Variants in AUTS2 observed in about 807,000 individuals in gnomAD.
AUTS2 encodes autism susceptibility gene 2 protein.
AUTS2 carries 17 observed loss-of-function variants against 112.4 expected under a neutral mutation model. That is an observed-to-expected ratio of 0.15 (90% CI 0.10 to 0.23). The LOEUF (loss-of-function observed/expected upper bound fraction) is 0.23. Ranked by LOEUF, AUTS2 falls within the 10% of genes least tolerant of loss-of-function variation. The probability of loss-of-function intolerance (pLI) is 1.00; values close to 1 mark genes in which losing one functional copy is unlikely to be tolerated. For synonymous variants in AUTS2, 751 were observed against 702.7 expected, an observed-to-expected ratio of 1.07 and a Z score of -1.09; for missense variants, 1,510 against 1,701.6, an observed-to-expected ratio of 0.89 and a Z score of 1.98.
At chr7:70,333,497 C>T (rs1411694678) in intron 4 of AUTS2, among the ~76,000 whole-genome samples, 8 of 152,288 alleles carry the variant, frequency 5.3e-5, no homozygotes, top group South Asian at 2.1e-4. Context: ...ACTATAAAGA[C>T]ACATGCACAC....
At chr7:70,028,100 A>G (rs949586715) in intron 2 of AUTS2, among the ~76,000 whole-genome samples, 74 of 146,312 alleles carry the variant, frequency 5.1e-4, no homozygotes, top group African/African-American at 1.8e-3. Context: ...ACACACGTGC[A>G]TACTTTTGCA....
intron 4 of AUTS2, among the ~76,000 whole-genome samples, chr7:70,385,190 C>G (rs1488572566): frequency 6.6e-6 from 1 of 152,182 alleles, no homozygotes; most frequent in Non-Finnish European, 1.5e-5. Context: ...TGCTTATCCA[C>G]TAAACTGTTC....
chr7:69,990,055 C>T (rs138633748), intron 2 of AUTS2, among the ~76,000 whole-genome samples: 137 of 152,130 alleles, frequency 9.0e-4, no homozygotes, highest in Non-Finnish European at 1.5e-3. Flanking sequence ...GGTTGGGGAC[C>T]GCTGACATAC....
chr7:70,219,811 C>T (rs1413857464), intron 4 of AUTS2, among the ~76,000 whole-genome samples: 4 of 152,088 alleles, frequency 2.6e-5, no homozygotes, highest in Non-Finnish European at 4.4e-5. Context: ...ACCTCTTGAT[C>T]CACCCGCCTC....
At chr7:70,134,461 T>C (rs1806440971) in intron 3 of AUTS2, 75 bp from the exon 4 acceptor site, 2 of 1,284,482 alleles carry the variant, frequency 1.6e-6, no homozygotes, top group Admixed American at 1.7e-5. Flanking sequence ...AAAGGGCTGG[T>C]AATGAGCTGT....
chr7:70,491,251 TC>T (rs1798217051), intron 5 of AUTS2, among the ~76,000 whole-genome samples: 1 of 152,030 alleles, frequency 6.6e-6, no homozygotes, highest in Non-Finnish European at 1.5e-5. Flanking sequence ...CTTTCATCTG[TC>T]CTATTATTCA....
intron 2 of AUTS2, among the ~76,000 whole-genome samples, chr7:70,104,053 C>T (rs1804638566): frequency 6.6e-6 from 1 of 151,498 alleles, no homozygotes; most frequent in Non-Finnish European, 1.5e-5. Context: ...ATGTGATGTG[C>T]CCACTTGTCC....
chr7:69,927,394 A>G (rs1039685232), intron 2 of AUTS2, among the ~76,000 whole-genome samples: 1 of 151,888 alleles, frequency 6.6e-6, no homozygotes, highest in Non-Finnish European at 1.5e-5. Flanking sequence ...CATTGTTACT[A>G]TTTCTGCTTA....
At chr7:70,013,376 G>T (rs568988464) in intron 2 of AUTS2, among the ~76,000 whole-genome samples, 1 of 152,344 alleles carries the variant, frequency 6.6e-6, no homozygotes, top group Admixed American at 6.5e-5. Context: ...CTGGGAGCTG[G>T]AGGTGGGAAT....
At chr7:69,772,744 G>T (rs1788720601) in intron 1 of AUTS2, among the ~76,000 whole-genome samples, 1 of 152,150 alleles carries the variant, frequency 6.6e-6, no homozygotes. Context: ...GGAATTTAAG[G>T]TCTTAAAGTG....
intron 4 of AUTS2, among the ~76,000 whole-genome samples, chr7:70,357,985 C>T (rs1010382393): frequency 5.5e-5 from 7 of 126,694 alleles, no homozygotes; most frequent in Non-Finnish European, 8.0e-5. Context: ...TGGAGGTTGG[C>T]GAGACCTAGA....
At chr7:69,636,455 G>A (rs201282826) in intron 1 of AUTS2, among the ~76,000 whole-genome samples, 5 of 113,614 alleles carry the variant, frequency 4.4e-5, no homozygotes, top group East Asian at 5.5e-4. Flanking sequence ...GGCTGGTCTC[G>A]AACTCCTGAC....
At chr7:70,378,675 T>C (rs1012885528) in intron 4 of AUTS2, among the ~76,000 whole-genome samples, 1 of 152,234 alleles carries the variant, frequency 6.6e-6, no homozygotes, top group Non-Finnish European at 1.5e-5. Flanking sequence ...TTCAGAAAAG[T>C]GGATTGCATC....
chr7:70,301,469 A>G (rs903124517), intron 4 of AUTS2, among the ~76,000 whole-genome samples: 8 of 152,196 alleles, frequency 5.3e-5, no homozygotes, highest in Non-Finnish European at 7.3e-5. Context: ...CTTAAAATAA[A>G]ATAGGGAAAA....
intron 1 of AUTS2, among the ~76,000 whole-genome samples, chr7:69,894,278 T>TA (rs869288971): frequency 3.4e-5 from 4 of 118,250 alleles, no homozygotes; most frequent in South Asian, 2.8e-4. Flanking sequence ...TTTTTTTTTT[T>TA]AACAGATTTC....
intron 2 of AUTS2, among the ~76,000 whole-genome samples, chr7:70,090,188 C>T (rs1803838854): frequency 6.6e-6 from 1 of 151,612 alleles, no homozygotes; most frequent in South Asian, 2.1e-4. Flanking sequence ...TCAACTTATA[C>T]CTTCAAGTGA....
At chr7:70,359,815 A>C (rs1299171417) in intron 4 of AUTS2, among the ~76,000 whole-genome samples, 1 of 152,216 alleles carries the variant, frequency 6.6e-6, no homozygotes, top group Non-Finnish European at 1.5e-5. Context: ...GGTTAAGAGG[A>C]CACAAACTCT....
At chr7:70,593,111 A>G (rs1265863197) in intron 5 of AUTS2, among the ~76,000 whole-genome samples, 1 of 151,560 alleles carries the variant, frequency 6.6e-6, no homozygotes, top group Non-Finnish European at 1.5e-5. Flanking sequence ...TCTGCCTCCT[A>G]AAGTGCTGGG....
At chr7:69,841,720 C>T (rs1362882681) in intron 1 of AUTS2, among the ~76,000 whole-genome samples, 1 of 152,128 alleles carries the variant, frequency 6.6e-6, no homozygotes, top group Non-Finnish European at 1.5e-5. Flanking sequence ...CAGTCAAATT[C>T]AGTGTACAAA....
Sources: allele counts gnomAD v4.1 joint callset (sites outside exome capture counted in the v4.1 genomes callset), GRCh38; gene constraint gnomAD v4.1.1; transcripts MANE v1.5; gene names NCBI Gene and HGNC (gene_info 2026-07-23, HGNC 2026-07-21).